Variants in FARS2 observed in about 807,000 individuals in gnomAD.
The protein encoded by FARS2 is phenylalanine--tRNA ligase, mitochondrial.
FARS2 carries 40 observed loss-of-function variants against 46.4 expected under a neutral mutation model. The ratio of observed to expected loss-of-function variants is 0.86; its 90% CI spans 0.67 to 1.12. The LOEUF is 1.12. FARS2 is among the 50% of genes most tolerant of loss of function. The pLI is 0.00. For missense variants in FARS2, 513 were observed against 567.9 expected, an observed-to-expected ratio of 0.90 and a Z score of 0.98; for synonymous variants, 234 against 214.9, an observed-to-expected ratio of 1.09 and a Z score of -0.78.
intron 5 of FARS2, among the ~76,000 whole-genome samples, chr6:5,605,868 G>GA (rs1456636815): frequency 6.6e-6 from 1 of 152,058 alleles, no homozygotes; most frequent in Non-Finnish European, 1.5e-5. Flanking sequence ...AGTAGATAAG[G>GA]AAAAAAATTA....
At chr6:5,538,740 G>A (rs1213952590) in intron 4 of FARS2, among the ~76,000 whole-genome samples, 1 of 152,124 alleles carries the variant, frequency 6.6e-6, no homozygotes, top group African/African-American at 2.4e-5. Context: ...GCAGGGGTGC[G>A]ATTCAGAAGA....
chr6:5,521,454 C>T (rs985038928), intron 4 of FARS2, among the ~76,000 whole-genome samples: 2 of 151,868 alleles, frequency 1.3e-5, no homozygotes, highest in Non-Finnish European at 2.9e-5. Flanking sequence ...CTCTTTATTT[C>T]CTGTTGTGTC....
At chr6:5,530,905 CTA>C (rs202197878) in intron 4 of FARS2, among the ~76,000 whole-genome samples, 2 of 146,938 alleles carry the variant, frequency 1.4e-5, no homozygotes, top group South Asian at 4.2e-4. Flanking sequence ...CTATGTATAA[CTA>C]TATAATGTAT....
chr6:5,283,704 G>A (rs961477498), intron 1 of FARS2, among the ~76,000 whole-genome samples: 2 of 152,030 alleles, frequency 1.3e-5, no homozygotes, highest in African/African-American at 4.8e-5. Context: ...TTTCTAAAAG[G>A]TGTCAGGTAC....
intron 2 of FARS2, among the ~76,000 whole-genome samples, chr6:5,396,606 A>T (rs1445629192): frequency 1.3e-5 from 2 of 152,228 alleles, no homozygotes; most frequent in Admixed American, 1.3e-4. Context: ...TAGACTCCAC[A>T]TAAAATAATT....
Position 5,323,880 on chromosome 6 carries a change from T to A in FARS2, c.-21-44670T>A, listed in dbSNP as rs1193054167. ...ATGACCATAAACCACAAATAACATC[T>A]TCAACCAGAAACGTTCCAAACTCCT... is the stretch of plus-strand genomic sequence containing the variant. On this transcript the variant is annotated intron_variant, in intron 1 of 6. Transcript: ENST00000274680. Among the ~76,000 whole-genome samples, 3 of 152,246 alleles carry A rather than the reference T, an allele frequency of 2.0e-5. No individual in the cohort carries two copies. In the East Asian group the frequency reaches 5.8e-4, roughly 29 times the overall value.
rs370285573 is a variant in FARS2, at chr6:5,687,828, A to G, written c.1217+74508A>G. ...TTCATGATATTGATTCTTCCTACCCATGAGTGTGGAATGTTCTTCCATTTG... is the reference window on the plus strand; with the variant it reads ...TTCATGATATTGATTCTTCCTACCCGTGAGTGTGGAATGTTCTTCCATTTG... On this transcript the variant is annotated intron_variant, in intron 6 of 6. Coordinates refer to ENST00000274680, the MANE Select transcript of FARS2 (RefSeq NM_006567.5). Among the ~76,000 whole-genome samples, 6 of 152,200 alleles carry G rather than the reference A, an allele frequency of 3.9e-5. No individual in the cohort carries two copies. In the East Asian group the frequency reaches 7.7e-4, roughly 20 times the overall value.
chr6:5,558,576 C>T (rs1305558330), intron 5 of FARS2, among the ~76,000 whole-genome samples: 1 of 151,712 alleles, frequency 6.6e-6, no homozygotes, highest in African/African-American at 2.4e-5. Context: ...TCTCTCTGTC[C>T]CCCAGGCTCG....
At chr6:5,628,398 A>G (rs1776136985) in intron 6 of FARS2, among the ~76,000 whole-genome samples, 1 of 152,168 alleles carries the variant, frequency 6.6e-6, no homozygotes, top group Non-Finnish European at 1.5e-5. Flanking sequence ...GAGTGACAGC[A>G]ATAGTGGACC....
At chr6:5,527,867 G>T (rs1332381552) in intron 4 of FARS2, among the ~76,000 whole-genome samples, 1 of 152,136 alleles carries the variant, frequency 6.6e-6, no homozygotes, top group Non-Finnish European at 1.5e-5. Flanking sequence ...GCAATGATCT[G>T]CTTAACAATA....
chr6:5,440,178 A>G (rs1314619981), intron 4 of FARS2, among the ~76,000 whole-genome samples: 2 of 152,230 alleles, frequency 1.3e-5, no homozygotes, highest in African/African-American at 4.8e-5. Flanking sequence ...TAGATTCTTT[A>G]TAAAATTTAA....
chr6:5,698,602 C>A (rs1458509414), intron 6 of FARS2, among the ~76,000 whole-genome samples: 1 of 152,164 alleles, frequency 6.6e-6, no homozygotes, highest in African/African-American at 2.4e-5. Context: ...TTATTAGGAT[C>A]AAGATCTTCA....
chr6:5,743,636 A>C (rs572345170), intron 6 of FARS2, among the ~76,000 whole-genome samples: 4 of 152,304 alleles, frequency 2.6e-5, no homozygotes, highest in South Asian at 2.1e-4. Flanking sequence ...GAAGGCTCAC[A>C]CTGGCACCGA....
intron 4 of FARS2, among the ~76,000 whole-genome samples, chr6:5,464,462 T>C (rs1334358381): frequency 2.0e-5 from 3 of 152,240 alleles, no homozygotes; most frequent in African/African-American, 7.2e-5. Flanking sequence ...TGGGGATATG[T>C]TAGGGGAGAA....
At chr6:5,322,723 A>C (rs1447913165) in intron 1 of FARS2, among the ~76,000 whole-genome samples, 1 of 152,120 alleles carries the variant, frequency 6.6e-6, no homozygotes, top group Non-Finnish European at 1.5e-5. Flanking sequence ...TTTGGGCGCT[A>C]ATTCCCTTTT....
chr6:5,741,812 A>G (rs561584173), intron 6 of FARS2, among the ~76,000 whole-genome samples: 3,767 of 152,096 alleles, frequency 0.025, 147 homozygotes, highest in African/African-American at 0.085. Context: ...CACCACCCCC[A>G]GTTAATTTTT....
intron 4 of FARS2, among the ~76,000 whole-genome samples, chr6:5,469,714 G>T (rs930983660): frequency 3.9e-5 from 6 of 152,182 alleles, no homozygotes; most frequent in African/African-American, 1.4e-4. Flanking sequence ...CTTCTAAAAA[G>T]ATAAGGTTTG....
intron 5 of FARS2, among the ~76,000 whole-genome samples, chr6:5,574,376 G>A (rs187697021): frequency 2.0e-5 from 3 of 152,142 alleles, no homozygotes; most frequent in South Asian, 4.2e-4. Context: ...TACCCGCCTC[G>A]GCCTCCCAAA....
chr6:5,644,202 GTTTCTTT>G (rs1776961872), intron 6 of FARS2, among the ~76,000 whole-genome samples: 2 of 151,482 alleles, frequency 1.3e-5, no homozygotes, highest in African/African-American at 4.9e-5. Context: ...CATGTTTGTT[GTTTCTTT>G]TTTCTTTTGC....
Sources: gnomAD v4.1 joint callset for allele counts (sites outside exome capture counted in the v4.1 genomes callset) on GRCh38, gnomAD v4.1.1 for gene constraint, MANE v1.5 for transcripts, NCBI Gene and HGNC (gene_info 2026-07-23, HGNC 2026-07-21) for gene names.